LINGO2: variants seen among roughly 807,000 people sequenced by gnomAD.
The protein encoded by LINGO2 is leucine rich repeat and Ig domain containing 2.
In LINGO2, 14 loss-of-function variants were observed where a neutral mutation model predicts 30.6. The observed-to-expected ratio is 0.46, with a 90% CI of 0.30 to 0.72. LINGO2 has a LOEUF of 0.72. Ranked by LOEUF, LINGO2 falls within the 30% of genes least tolerant of loss-of-function variation. The probability of loss-of-function intolerance (pLI) is 0.07; values close to 1 mark genes in which losing one functional copy is unlikely to be tolerated. For synonymous variants in LINGO2, 317 were observed against 288.5 expected (o/e 1.10, Z -1.00); for missense variants, 729 against 751.7 (o/e 0.97, Z 0.35).
intron 2 of LINGO2, among the ~76,000 whole-genome samples, chr9:28,429,421 A>G (rs553727432): frequency 6.6e-6 from 1 of 152,290 alleles, no homozygotes; most frequent in African/African-American, 2.4e-5. Flanking sequence ...TTATGAATGA[A>G]GTTTAAAAGT....
At chr9:27,958,377 C>T (rs7850839) in intron 5 of LINGO2, among the ~76,000 whole-genome samples, 8,531 of 152,116 alleles carry the variant, frequency 0.056, 770 homozygotes, top group African/African-American at 0.19. Flanking sequence ...AGTTTTTCTA[C>T]TTCGTGAGAA....
chr9:28,905,190 G>T, the LINGO2 span, among the ~76,000 whole-genome samples: 3 of 151,066 alleles, frequency 2.0e-5, no homozygotes, highest in Admixed American at 6.6e-5. Context: ...AAAATAACAG[G>T]GAAGCTCCAC....
chr9:28,887,212 T>C, the LINGO2 span, among the ~76,000 whole-genome samples: 1 of 152,162 alleles, frequency 6.6e-6, no homozygotes, highest in Non-Finnish European at 1.5e-5. Flanking sequence ...AGATGTCTGC[T>C]GAGTTGATGC....
chr9:28,831,719 GA>G, the LINGO2 span, among the ~76,000 whole-genome samples: 1 of 152,070 alleles, frequency 6.6e-6, no homozygotes, highest in Admixed American at 6.6e-5. Flanking sequence ...TCAATACAGA[GA>G]AAAAAGAAAG....
At chr9:28,381,850 GC>G (rs1024640358) in intron 2 of LINGO2, among the ~76,000 whole-genome samples, 26 of 152,142 alleles carry the variant, frequency 1.7e-4, no homozygotes, top group Admixed American at 2.6e-4. Flanking sequence ...TTAGAATGCT[GC>G]CCTGTGAGTC....
chr9:28,385,158 T>C (rs902040123), intron 2 of LINGO2, among the ~76,000 whole-genome samples: 1 of 152,180 alleles, frequency 6.6e-6, no homozygotes, highest in African/African-American at 2.4e-5. Flanking sequence ...CTTCTAAGAA[T>C]ATGTTTTTAT....
rs1554647197 is a variant in LINGO2 at position 28,626,826 on chromosome 9, T to TGTGTG, written c.-365+43373_-365+43374insCACAC. On this transcript the variant is annotated intron_variant, in intron 1 of 5. Coordinates refer to ENST00000379992, the Ensembl canonical transcript of LINGO2. The stretch of plus-strand genomic sequence containing the variant: ...GTTTTTTTCAGCTCTAAAAATTCTA[T>TGTGTG]TGTGTGTGTGTGTGTGTGTCTTCCA... Among the ~76,000 whole-genome samples the TGTGTG allele has an allele frequency of 9.8e-4, 148 of 150,622 alleles. 1 individual carries two copies. The highest frequency in any genetic ancestry group is 2.3e-3 in the African/African-American group (96 of 41,172).
the LINGO2 span, among the ~76,000 whole-genome samples, chr9:28,890,195 TTTTTG>T: frequency 0.041 from 6,211 of 151,050 alleles, 196 homozygotes; most frequent in Admixed American, 0.082. Flanking sequence ...TTTTCTTGGT[TTTTTG>T]TTTTGTTTTG....
the LINGO2 span, among the ~76,000 whole-genome samples, chr9:28,957,182 A>G: frequency 6.6e-6 from 1 of 152,120 alleles, no homozygotes; most frequent in Admixed American, 6.6e-5. Flanking sequence ...GCACTAAGAC[A>G]CTGTGCATGT....
At chr9:28,506,421 T>TACAC (rs1235639387) in intron 1 of LINGO2, among the ~76,000 whole-genome samples, 7 of 5,146 alleles carry the variant, frequency 1.4e-3, no homozygotes, top group African/African-American at 2.5e-3. Flanking sequence ...TATATATATA[T>TACAC]ACACACACAC....
chr9:28,743,912 T>G, the LINGO2 span, among the ~76,000 whole-genome samples: 1 of 151,650 alleles, frequency 6.6e-6, no homozygotes, highest in African/African-American at 2.4e-5. Context: ...GTCCTTTTCT[T>G]TCTCTTCTTA....
intron 1 of LINGO2, among the ~76,000 whole-genome samples, chr9:28,496,139 G>C (rs1564242095): frequency 6.6e-6 from 1 of 152,048 alleles, no homozygotes; most frequent in Admixed American, 6.6e-5. Flanking sequence ...ATATTCTGTT[G>C]ATTTGGGGTG....
intron 5 of LINGO2, among the ~76,000 whole-genome samples, chr9:27,957,227 G>A (rs551260860): frequency 6.6e-6 from 1 of 152,268 alleles, no homozygotes; most frequent in African/African-American, 2.4e-5. Flanking sequence ...TGCTCCACCA[G>A]AATAGATACA....
At chr9:28,283,250 A>G (rs1464843142) in intron 4 of LINGO2, among the ~76,000 whole-genome samples, 1 of 152,210 alleles carries the variant, frequency 6.6e-6, no homozygotes, top group East Asian at 1.9e-4. Context: ...GTACAAAATT[A>G]TGCCAAGAAT....
chr9:29,165,639 C>A, the LINGO2 span, among the ~76,000 whole-genome samples: 2 of 151,900 alleles, frequency 1.3e-5, no homozygotes, highest in Non-Finnish European at 2.9e-5. Context: ...GGAGAAGAAA[C>A]TTGAATTGCA....
intron 2 of LINGO2, among the ~76,000 whole-genome samples, chr9:28,389,223 A>G (rs942754066): frequency 2.6e-5 from 4 of 152,204 alleles, no homozygotes; most frequent in Admixed American, 2.6e-4. Flanking sequence ...GGCAAAACAT[A>G]TGAACTATTC....
At position 28,172,285 on chromosome 9, in the gene LINGO2, G is replaced by A. The variant is rs1338333414; in HGVS notation, c.-87+122923C>T. The stretch of plus-strand genomic sequence containing the variant: ...GGGCGCCTGTAGTCCCAGCTACTTG[G>A]GAGGCTGAGGCAGGAGAATGGCGTG... On this transcript the variant is annotated intron_variant, in intron 4 of 5. Coordinates refer to ENST00000379992, the Ensembl canonical transcript of LINGO2. Among the ~76,000 whole-genome samples, 4 of 149,022 alleles carry A rather than the reference G, an allele frequency of 2.7e-5. No individual in the cohort carries two copies. In the East Asian group the frequency reaches 8.1e-4, roughly 30 times the overall value.
chr9:28,754,919 C>A, the LINGO2 span, among the ~76,000 whole-genome samples: 10 of 152,118 alleles, frequency 6.6e-5, 1 homozygote, highest in African/African-American at 2.4e-4. Flanking sequence ...GCATAAGCCA[C>A]CACGCCCAGC....
At chr9:28,131,438 C>T (rs193098932) in intron 4 of LINGO2, among the ~76,000 whole-genome samples, 223 of 152,210 alleles carry the variant, frequency 1.5e-3, no homozygotes, top group African/African-American at 5.1e-3. Context: ...AACTTAATCT[C>T]TTTTAACAGT....
Sources: gnomAD v4.1 joint callset for allele counts (sites outside exome capture counted in the v4.1 genomes callset) on GRCh38, gnomAD v4.1.1 for gene constraint, MANE v1.5 for transcripts, NCBI Gene and HGNC (gene_info 2026-07-23, HGNC 2026-07-21) for gene names.